The following AFG1L variants were observed in gnomAD, a reference collection of about 807,000 sequenced individuals.
AFG1L encodes AFG1 like ATPase.
Under a neutral mutation model 62.2 loss-of-function variants are expected in AFG1L, and 53 were observed. The ratio of observed to expected loss-of-function variants is 0.85; its 90% confidence interval spans 0.68 to 1.07. The LOEUF is 1.07. AFG1L is among the 50% of genes least tolerant of loss of function. AFG1L has a pLI of 0.00. For synonymous variants in AFG1L, 228 were observed against 210.3 expected, an observed-to-expected ratio of 1.08 and a Z score of -0.73; for missense variants, 555 against 590.5, an observed-to-expected ratio of 0.94 and a Z score of 0.62.
chr6:108,505,048 A>G (rs1774342663), intron 10 of AFG1L, among the ~76,000 whole-genome samples: 3 of 151,356 alleles, frequency 2.0e-5, no homozygotes, highest in Admixed American at 2.0e-4. Flanking sequence ...TTTCAGCTGA[A>G]TACTTAGAAA....
intron 10 of AFG1L, among the ~76,000 whole-genome samples, chr6:108,508,560 T>A (rs1774513554): frequency 6.6e-6 from 1 of 152,176 alleles, no homozygotes; most frequent in Admixed American, 6.5e-5. Flanking sequence ...GTGCTCTTTG[T>A]CTCTGGTTTT....
At chr6:108,335,166 A>G (rs1319617391) in intron 2 of AFG1L, among the ~76,000 whole-genome samples, 1 of 151,754 alleles carries the variant, frequency 6.6e-6, no homozygotes, top group Non-Finnish European at 1.5e-5. Flanking sequence ...GCTAATTTTT[A>G]GTAGAGATGA....
At chr6:108,318,887 T>G (rs1001997886) in intron 1 of AFG1L, among the ~76,000 whole-genome samples, 1 of 152,244 alleles carries the variant, frequency 6.6e-6, no homozygotes, top group African/African-American at 2.4e-5. Context: ...TGTACACTGA[T>G]GTAGTAACAG....
At chr6:108,514,291 A>C (rs1284665615) in intron 11 of AFG1L, among the ~76,000 whole-genome samples, 1 of 151,900 alleles carries the variant, frequency 6.6e-6, no homozygotes, top group African/African-American at 2.4e-5. Flanking sequence ...TCAGACTAAC[A>C]GTGGATCTCT....
intron 11 of AFG1L, among the ~76,000 whole-genome samples, chr6:108,518,334 G>C (rs1417705357): frequency 6.6e-6 from 1 of 151,876 alleles, no homozygotes; most frequent in Non-Finnish European, 1.5e-5. Flanking sequence ...TAAAAAATGA[G>C]TTCATGTCCT....
chr6:108,500,171 C>CATGT (rs1554204022), intron 10 of AFG1L, among the ~76,000 whole-genome samples: 2 of 135,070 alleles, frequency 1.5e-5, no homozygotes, highest in African/African-American at 5.7e-5. Context: ...ATGGTGCGTG[C>CATGT]GTGTGTGTGT....
chr6:108,501,164 T>G (rs966525389), intron 10 of AFG1L, among the ~76,000 whole-genome samples: 7 of 152,172 alleles, frequency 4.6e-5, no homozygotes, highest in Admixed American at 3.9e-4. Context: ...TGGCTAATAC[T>G]TTGTATTTTT....
Position 108,522,474 on chromosome 6 carries a change from A to G in AFG1L, c.*49A>G. ...CTCTAGACAAATGGTTAACGCAGGC[A>G]GAACTCCTTATTGTGGGACTTGAAG... On this transcript the variant is annotated 3_prime_UTR_variant, in exon 13 of 13. Coordinates refer to ENST00000368977, the MANE Select transcript of AFG1L (RefSeq NM_145315.5). The G allele has an allele frequency of 1.3e-6, 2 of 1,566,576 alleles. No individual in the cohort carries two copies. Among genetic ancestry groups the G allele is most frequent in the African/African-American group, 1.3e-5 (1 of 74,228 alleles).
chr6:108,389,006 G>T (rs375271190), intron 6 of AFG1L, among the ~76,000 whole-genome samples: 6,410 of 151,984 alleles, frequency 0.042, 196 homozygotes, highest in South Asian at 0.1. Context: ...TATTGTGTGG[G>T]AGTCTAAGTC....
chr6:108,471,602 A>G (rs1772900897), intron 8 of AFG1L, among the ~76,000 whole-genome samples: 1 of 151,218 alleles, frequency 6.6e-6, no homozygotes, highest in Admixed American at 6.6e-5. Context: ...CTGGGATTAC[A>G]GGTCCCGCCA....
At chr6:108,411,629 A>G (rs1309174151) in intron 7 of AFG1L, among the ~76,000 whole-genome samples, 1 of 152,218 alleles carries the variant, frequency 6.6e-6, no homozygotes, top group Non-Finnish European at 1.5e-5. Flanking sequence ...TCTGCTGCTG[A>G]TACCCAGGCA....
At chr6:108,366,632 G>T (rs1779772978) in intron 6 of AFG1L, among the ~76,000 whole-genome samples, 1 of 150,808 alleles carries the variant, frequency 6.6e-6, no homozygotes, top group African/African-American at 2.4e-5. Flanking sequence ...AGGCCTTTTG[G>T]ACTGCTTTTT....
At chr6:108,433,839 C>T (rs925196090) in intron 7 of AFG1L, among the ~76,000 whole-genome samples, 1 of 152,140 alleles carries the variant, frequency 6.6e-6, no homozygotes, top group Non-Finnish European at 1.5e-5. Context: ...GTGATCTGCC[C>T]GCCTCTGCCT....
chr6:108,295,163 C>A lies in AFG1L; in HGVS notation c.84C>A (p.Ala28=). The A allele has an allele frequency of 1.2e-6, 2 of 1,609,258 alleles. No individual in the cohort carries two copies. Among genetic ancestry groups the A allele is most frequent in the Non-Finnish European group, 1.7e-6 (2 of 1,179,950 alleles). Residue 28 remains alanine (A), a synonymous_variant, in exon 1 of 13, where the codon GCC becomes GCA. Transcript: ENST00000368977. ...PLRGRCVGCG[A]WAAALAPLAT... Reference sequence around the variant, plus strand: ...GAGGGAGATGTGTTGGGTGCGGGGCCTGGGCCGCCGCTCTCGCTCCTCTGG... The same window carrying A: ...GAGGGAGATGTGTTGGGTGCGGGGCATGGGCCGCCGCTCTCGCTCCTCTGG...
At chr6:108,420,412 T>TA (rs144048678) in intron 7 of AFG1L, among the ~76,000 whole-genome samples, 1 of 148,016 alleles carries the variant, frequency 6.8e-6, no homozygotes, top group Non-Finnish European at 1.5e-5. Context: ...TTTATTTTAT[T>TA]AAAAAATAAA....
intron 10 of AFG1L, among the ~76,000 whole-genome samples, chr6:108,489,579 C>T (rs1482298578): frequency 6.6e-6 from 1 of 152,214 alleles, no homozygotes; most frequent in African/African-American, 2.4e-5. Context: ...GACTGGATTT[C>T]AGCTCCTAAT....
At chr6:108,317,300 G>C (rs569303178) in intron 1 of AFG1L, among the ~76,000 whole-genome samples, 1 of 152,162 alleles carries the variant, frequency 6.6e-6, no homozygotes, top group Non-Finnish European at 1.5e-5. Flanking sequence ...CTCTCTGCAG[G>C]CTTCGAGCTG....
At chr6:108,334,251 CA>C (rs1436084813) in intron 2 of AFG1L, among the ~76,000 whole-genome samples, 1 of 152,154 alleles carries the variant, frequency 6.6e-6, no homozygotes, top group Non-Finnish European at 1.5e-5. Context: ...AAATGATTGC[CA>C]CATCAGCCTC....
At chr6:108,513,501 G>A (rs1774750757) in intron 11 of AFG1L, among the ~76,000 whole-genome samples, 1 of 152,238 alleles carries the variant, frequency 6.6e-6, no homozygotes. Context: ...TACACCCACA[G>A]AGCCTCGCTC....
Sources: gnomAD v4.1 joint callset for allele counts (sites outside exome capture counted in the v4.1 genomes callset) on GRCh38, gnomAD v4.1.1 for gene constraint, MANE v1.5 for transcripts, NCBI Gene and HGNC (gene_info 2026-07-23, HGNC 2026-07-21) for gene names.